The following GSG1L variants were observed in gnomAD, a reference collection of about 807,000 sequenced individuals.
GSG1L encodes the protein germ cell-specific gene 1-like protein.
A neutral mutation model predicts 42.1 loss-of-function variants in GSG1L; 24 were observed. The ratio of observed to expected loss-of-function variants is 0.57; its 90% CI spans 0.41 to 0.80. GSG1L has a LOEUF of 0.80. Ranked by LOEUF, GSG1L falls within the 30% of genes least tolerant of loss-of-function variation. The probability of loss-of-function intolerance (pLI) is 0.00; values close to 1 mark genes in which losing one functional copy is unlikely to be tolerated. For synonymous variants in GSG1L, 215 were observed against 203.5 expected (o/e 1.06, Z -0.48); for missense variants, 445 against 472.2 (o/e 0.94, Z 0.53).
Position 27,829,106 on chromosome 16 carries a change from G to T in GSG1L, c.663-150C>A, listed in dbSNP as rs572121918. On this transcript the variant is annotated intron_variant, in intron 4 of 6. Coordinates refer to ENST00000447459, the MANE Select transcript of GSG1L (RefSeq NM_001109763.2). ...CTGCCACAGAGAAGGATAAGACTTG[G>T]TCCCTGCCCCACTCGCAGTCTGGGA... 2.3e-5 allele frequency: 16 copies of T among 694,160 alleles called. No individual in the cohort carries two copies. The African/African-American group carries it at 2.7e-4, about 12-fold the overall frequency. 43.0% of individuals were successfully genotyped at this position (694,160 alleles called of 1,614,324 possible).
chr16:27,862,586 T>A (rs2083667435), intron 3 of GSG1L, among the ~76,000 whole-genome samples: 1 of 152,236 alleles, frequency 6.6e-6, no homozygotes, highest in African/African-American at 2.4e-5. Flanking sequence ...AGCAGTGGGC[T>A]CTGGGTCAGG....
Position 27,943,301 on chromosome 16 carries a change from T to C in GSG1L, c.397+19855A>G, listed in dbSNP as rs915603931. Among the ~76,000 whole-genome samples, 9 of 152,066 alleles carry C rather than the reference T, an allele frequency of 5.9e-5. 1 individual carries two copies. The highest frequency in any genetic ancestry group is 5.9e-4 in the Admixed American group (9 of 15,252). On this transcript the variant is annotated intron_variant, in intron 2 of 6. Transcript: ENST00000447459. ...CACACTTGAAGAACCAGTGGCATTG[T>C]TCCTAATAAAAACTGAAAATGACCC... is the stretch of plus-strand genomic sequence containing the variant.
At chr16:27,799,705 A>G (rs1206146054) in intron 6 of GSG1L, among the ~76,000 whole-genome samples, 1 of 152,176 alleles carries the variant, frequency 6.6e-6, no homozygotes, top group Non-Finnish European at 1.5e-5. Context: ...CCAGATTCCT[A>G]CTAGAGCTGC....
intron 1 of GSG1L, among the ~76,000 whole-genome samples, chr16:28,012,089 A>G (rs1307142582): frequency 6.6e-6 from 1 of 152,070 alleles, no homozygotes; most frequent in Non-Finnish European, 1.5e-5. Flanking sequence ...GGAGCTTCAC[A>G]ACCAGCTCTG....
At chr16:28,038,200 T>C (rs1163564163) in intron 1 of GSG1L, among the ~76,000 whole-genome samples, 1 of 152,146 alleles carries the variant, frequency 6.6e-6, no homozygotes, top group Non-Finnish European at 1.5e-5. Context: ...GGTCTGTAAC[T>C]CCTGGGCTCA....
At chr16:27,938,755 T>A (rs1862453) in intron 2 of GSG1L, among the ~76,000 whole-genome samples, 3 of 152,076 alleles carry the variant, frequency 2.0e-5, no homozygotes, top group African/African-American at 7.2e-5. Flanking sequence ...GGTAAGATTC[T>A]GAAAGCATGG....
intron 2 of GSG1L, among the ~76,000 whole-genome samples, chr16:27,885,882 C>T (rs954661957): frequency 2.0e-5 from 3 of 152,220 alleles, no homozygotes; most frequent in African/African-American, 4.8e-5. Flanking sequence ...CCTTTTCCTA[C>T]AAATTTGTCC....
intron 1 of GSG1L, among the ~76,000 whole-genome samples, chr16:27,964,565 T>C (rs1182262512): frequency 6.6e-6 from 1 of 152,222 alleles, no homozygotes; most frequent in Non-Finnish European, 1.5e-5. Context: ...GTGCTACATA[T>C]ACACAATGAA....
At chr16:27,821,800 A>T (rs1047267468) in intron 5 of GSG1L, among the ~76,000 whole-genome samples, 1 of 152,148 alleles carries the variant, frequency 6.6e-6, no homozygotes, top group African/African-American at 2.4e-5. Flanking sequence ...GTTACTCAGG[A>T]GGCTGAAGCA....
intron 6 of GSG1L, among the ~76,000 whole-genome samples, chr16:27,793,162 C>T (rs962837670): frequency 6.6e-6 from 1 of 152,220 alleles, no homozygotes; most frequent in South Asian, 2.1e-4. Context: ...CTCCTTGTTC[C>T]TTCTCCATCC....
At chr16:27,894,631 G>A (rs1333589282) in intron 2 of GSG1L, among the ~76,000 whole-genome samples, 1 of 152,198 alleles carries the variant, frequency 6.6e-6, no homozygotes, top group Non-Finnish European at 1.5e-5. Flanking sequence ...CTCTGTGGCA[G>A]CTGCTGTTTG....
chr16:27,906,535 G>C (rs1309419187), intron 2 of GSG1L, among the ~76,000 whole-genome samples: 1 of 152,118 alleles, frequency 6.6e-6, no homozygotes, highest in Non-Finnish European at 1.5e-5. Context: ...TGGGTCCCTA[G>C]GAGATCAAGT....
chr16:27,936,130 C>T (rs1463080670), intron 2 of GSG1L, among the ~76,000 whole-genome samples: 1 of 151,712 alleles, frequency 6.6e-6, no homozygotes, highest in East Asian at 1.9e-4. Context: ...ATCACAGTCG[C>T]ACAAGGAAAG....
At chr16:27,795,664 A>G (rs1290408656) in intron 6 of GSG1L, among the ~76,000 whole-genome samples, 3 of 152,222 alleles carry the variant, frequency 2.0e-5, no homozygotes, top group Admixed American at 2.0e-4. Context: ...AGATTTGTCA[A>G]GGCCCCACTC....
intron 2 of GSG1L, among the ~76,000 whole-genome samples, chr16:27,911,021 C>T (rs1262187422): frequency 6.6e-6 from 1 of 151,972 alleles, no homozygotes; most frequent in African/African-American, 2.4e-5. Flanking sequence ...TAAAAAACAA[C>T]AACAACAACA....
At chr16:27,832,065 C>G (rs565136463) in intron 4 of GSG1L, among the ~76,000 whole-genome samples, 2 of 152,208 alleles carry the variant, frequency 1.3e-5, no homozygotes, top group Non-Finnish European at 2.9e-5. Context: ...CATTCTGTAT[C>G]ACATGCCCCT....
chr16:27,928,130 T>A (rs2084615840), intron 2 of GSG1L, among the ~76,000 whole-genome samples: 2 of 152,204 alleles, frequency 1.3e-5, no homozygotes, highest in Non-Finnish European at 2.9e-5. Context: ...GCAGCCAGCA[T>A]TTATCTAGCA....
Position 27,947,049 on chromosome 16 carries a change from A to T in GSG1L, c.397+16107T>A, listed in dbSNP as rs562987518. 8.4e-4 allele frequency among the ~76,000 whole-genome samples: 128 copies of T among 152,334 alleles called. 2 individuals carry two copies. In the South Asian group the frequency reaches 0.021, roughly 25 times the overall value. On this transcript the variant is annotated intron_variant, in intron 2 of 6. Transcript: ENST00000447459. The stretch of plus-strand genomic sequence containing the variant: ...CCCACCACTAGAGAGCCAGAGCTGG[A>T]ATCTGAACCCAGAGCCCGGCTCTCA...
chr16:28,061,621 C>T (rs143394493), intron 1 of GSG1L, among the ~76,000 whole-genome samples: 329 of 152,280 alleles, frequency 2.2e-3, no homozygotes, highest in African/African-American at 7.1e-3. Flanking sequence ...CAAGACCAAC[C>T]GGGCTGGCCC....
Sources: allele counts gnomAD v4.1 joint callset (sites outside exome capture counted in the v4.1 genomes callset), GRCh38; gene constraint gnomAD v4.1.1; transcripts MANE v1.5; gene names NCBI Gene and HGNC (gene_info 2026-07-23, HGNC 2026-07-21).